ESRRB: variants seen among roughly 807,000 people sequenced by gnomAD.
ESRRB encodes the protein estrogen related receptor beta, also known as steroid hormone receptor ERR2.
In ESRRB, 16 loss-of-function variants were observed where a neutral mutation model predicts 46.0. The observed-to-expected ratio is 0.35, with a 90% CI of 0.24 to 0.53. ESRRB has a LOEUF of 0.53. Ranked by LOEUF, ESRRB falls within the 20% of genes least tolerant of loss-of-function variation. The pLI is 0.93. For missense variants in ESRRB, 488 were observed against 607.4 expected, an observed-to-expected ratio of 0.80 and a Z score of 2.07; for synonymous variants, 246 against 259.6, an observed-to-expected ratio of 0.95 and a Z score of 0.50.
chr14:76,369,210 A>G (rs898394588), upstream of ESRRB, among the ~76,000 whole-genome samples: 1 of 149,910 alleles, frequency 6.7e-6, no homozygotes, highest in African/African-American at 2.4e-5. Context: ...AAAAGCTGTC[A>G]TCTTAACCAT....
At chr14:76,384,367 AT>A (rs968051611) in intron 1 of ESRRB, among the ~76,000 whole-genome samples, 2 of 152,132 alleles carry the variant, frequency 1.3e-5, no homozygotes, top group African/African-American at 4.8e-5. Context: ...TCTCGTAACC[AT>A]TTTTCTCATA....
chr14:76,453,510 A>G (rs1888478378), intron 2 of ESRRB, among the ~76,000 whole-genome samples: 1 of 152,196 alleles, frequency 6.6e-6, no homozygotes, highest in Admixed American at 6.5e-5. Context: ...ATGTTTTAGC[A>G]ATATTTTAAC....
chr14:76,404,050 G>A (rs1419606483), intron 1 of ESRRB, among the ~76,000 whole-genome samples: 2 of 152,084 alleles, frequency 1.3e-5, no homozygotes, highest in Non-Finnish European at 2.9e-5. Flanking sequence ...TCCAATCATT[G>A]GTGTGACTTG....
intron 1 of ESRRB, among the ~76,000 whole-genome samples, chr14:76,381,933 G>A (rs1211660744): frequency 1.3e-5 from 2 of 152,182 alleles, no homozygotes; most frequent in East Asian, 3.9e-4. Flanking sequence ...TCCCTCCTAT[G>A]AGTGTACTTG....
chr14:76,473,533 G>A (rs1889453879), intron 3 of ESRRB, among the ~76,000 whole-genome samples: 1 of 152,228 alleles, frequency 6.6e-6, no homozygotes, highest in South Asian at 2.1e-4. Flanking sequence ...CCAGGTGCAG[G>A]GCCACGCTTT....
At chr14:76,375,184 C>G (rs1185103431), upstream of ESRRB, among the ~76,000 whole-genome samples, 1 of 151,464 alleles carries the variant, frequency 6.6e-6, no homozygotes, top group Admixed American at 6.6e-5. Context: ...TTTGAATCAT[C>G]AAATTGATTA....
At chr14:76,339,566 A>G (rs1884166746) in intron 1 of ESRRB, among the ~76,000 whole-genome samples, 1 of 152,192 alleles carries the variant, frequency 6.6e-6, no homozygotes, top group Non-Finnish European at 1.5e-5. Flanking sequence ...CCATGTCCAG[A>G]CAGGCCCCTG....
upstream of ESRRB, among the ~76,000 whole-genome samples, chr14:76,373,786 G>A (rs1319522721): frequency 1.3e-5 from 2 of 152,214 alleles, no homozygotes; most frequent in African/African-American, 4.8e-5. Flanking sequence ...ATCAGCTAGT[G>A]CCCAGAGATA....
At chr14:76,432,934 C>G (rs1181452578) in intron 1 of ESRRB, among the ~76,000 whole-genome samples, 1 of 152,084 alleles carries the variant, frequency 6.6e-6, no homozygotes, top group Admixed American at 6.6e-5. Flanking sequence ...CTTAGCCTCC[C>G]AAAGTGCTGA....
intron 5 of ESRRB, among the ~76,000 whole-genome samples, chr14:76,490,214 C>T (rs556626275): frequency 6.7e-4 from 102 of 152,328 alleles, no homozygotes; most frequent in Admixed American, 1.9e-3. Context: ...CGTGTTAGAA[C>T]CAATCACTGA....
chr14:76,349,857 C>G (rs994290599), intron 1 of ESRRB, among the ~76,000 whole-genome samples: 9 of 152,106 alleles, frequency 5.9e-5, no homozygotes, highest in Admixed American at 2.6e-4. Flanking sequence ...AAGGAAAGAG[C>G]CTTTGCAGCT....
chr14:76,437,856 C>A (rs1359425364), intron 1 of ESRRB, among the ~76,000 whole-genome samples: 1 of 152,174 alleles, frequency 6.6e-6, no homozygotes, highest in Non-Finnish European at 1.5e-5. Context: ...AGGGGAACAC[C>A]CTTGCCCGCC....
At chr14:76,339,771 GGCT>G (rs1356999524) in intron 1 of ESRRB, among the ~76,000 whole-genome samples, 1 of 152,166 alleles carries the variant, frequency 6.6e-6, no homozygotes, top group Non-Finnish European at 1.5e-5. Flanking sequence ...CCAGCTGCCT[GGCT>G]GCCTCTATGG....
chr14:76,406,642 G>A (rs987944908), intron 1 of ESRRB, among the ~76,000 whole-genome samples: 6 of 152,184 alleles, frequency 3.9e-5, no homozygotes, highest in Non-Finnish European at 8.8e-5. Flanking sequence ...CTACTTGGGA[G>A]GCTGAAGCAG....
chr14:76,471,652 A>G (rs531090948), intron 3 of ESRRB, among the ~76,000 whole-genome samples: 50 of 152,272 alleles, frequency 3.3e-4, no homozygotes, highest in African/African-American at 1.2e-3. Flanking sequence ...TTCCGACCTC[A>G]AGTTAAATGT....
intron 5 of ESRRB, among the ~76,000 whole-genome samples, chr14:76,487,883 G>A (rs760519889): frequency 1.2e-4 from 19 of 152,192 alleles, no homozygotes; most frequent in African/African-American, 3.9e-4. Flanking sequence ...GATTACAGGC[G>A]TGAGCCACCG....
chr14:76,500,733 G>C lies in ESRRB; in HGVS notation c.*2275G>C. 6.2e-7 allele frequency: 1 copy of C among 1,613,940 alleles called. No individual in the cohort carries two copies. Among genetic ancestry groups the C allele is most frequent in the Non-Finnish European group, 8.5e-7 (1 of 1,179,846 alleles). ...GGCTCACCATGTAACATCTGGCTTG[G>C]AGCAAGTGGGTGTTCTGCACACCAG... is the stretch of plus-strand genomic sequence containing the variant. On this transcript the variant is annotated 3_prime_UTR_variant, in exon 7 of 7. Coordinates refer to ENST00000644823, the MANE Select transcript of ESRRB (RefSeq NM_001379180.1).
At chr14:76,410,406 T>G (rs1886383525) in intron 1 of ESRRB, among the ~76,000 whole-genome samples, 1 of 152,200 alleles carries the variant, frequency 6.6e-6, no homozygotes, top group Admixed American at 6.5e-5. Context: ...CCTCCCCTAA[T>G]CCTTGGTCCC....
At chr14:76,441,642 C>T (rs1053029728) in intron 2 of ESRRB, among the ~76,000 whole-genome samples, 1 of 152,210 alleles carries the variant, frequency 6.6e-6, no homozygotes, top group African/African-American at 2.4e-5. Context: ...TTAATTGCGT[C>T]AGGCCCTGGG....
Sources: allele counts gnomAD v4.1 joint callset (sites outside exome capture counted in the v4.1 genomes callset), GRCh38; gene constraint gnomAD v4.1.1; transcripts MANE v1.5; gene names NCBI Gene and HGNC (gene_info 2026-07-23, HGNC 2026-07-21).